The following NUBPL variants were observed in gnomAD, a reference collection of about 807,000 sequenced individuals.
NUBPL encodes the protein iron-sulfur cluster transfer protein NUBPL.
NUBPL carries 31 observed loss-of-function variants against 45.7 expected under a neutral mutation model. The ratio of observed to expected loss-of-function variants is 0.68; its 90% confidence interval spans 0.51 to 0.92. The LOEUF (loss-of-function observed/expected upper bound fraction) is 0.92. Among genes scored for constraint, NUBPL ranks in the 40% least tolerant of loss-of-function variants. The pLI is 0.00. For synonymous variants in NUBPL, 144 were observed against 140.9 expected (o/e 1.02, Z -0.15); for missense variants, 401 against 398.7 (o/e 1.01, Z -0.05).
chr14:31,760,861 T>C (rs1404899234), intron 6 of NUBPL, among the ~76,000 whole-genome samples: 1 of 148,238 alleles, frequency 6.7e-6, no homozygotes, highest in Non-Finnish European at 1.5e-5. Flanking sequence ...TATTTAGAGC[T>C]AGGGTCTTAC....
intron 6 of NUBPL, among the ~76,000 whole-genome samples, chr14:31,679,107 G>T (rs990968909): frequency 1.3e-5 from 2 of 152,198 alleles, no homozygotes; most frequent in African/African-American, 4.8e-5. Context: ...CACAGTTGCT[G>T]CATTCTCCCT....
chr14:31,691,871 T>C (rs1328817051), intron 6 of NUBPL, among the ~76,000 whole-genome samples: 1 of 152,196 alleles, frequency 6.6e-6, no homozygotes, highest in African/African-American at 2.4e-5. Context: ...ACATGAAGTC[T>C]CTTGGTTTCA....
At chr14:31,612,438 C>T (rs1365554936) in intron 4 of NUBPL, among the ~76,000 whole-genome samples, 6 of 152,204 alleles carry the variant, frequency 3.9e-5, no homozygotes, top group South Asian at 4.1e-4. Context: ...CCAAGGCGGG[C>T]GGATCATGAG....
chr14:31,566,316 T>G (rs1337309910), intron 3 of NUBPL, among the ~76,000 whole-genome samples: 1 of 152,162 alleles, frequency 6.6e-6, no homozygotes, highest in East Asian at 1.9e-4. Context: ...AGATTTATAA[T>G]ATTTTGGTTA....
intron 6 of NUBPL, among the ~76,000 whole-genome samples, chr14:31,686,047 G>T (rs1461440055): frequency 6.6e-6 from 1 of 151,848 alleles, no homozygotes; most frequent in Non-Finnish European, 1.5e-5. Flanking sequence ...TGCTTTCAGA[G>T]GAATTAAAAA....
At position 31,562,070 on chromosome 14, in the gene NUBPL, G is replaced by T. The variant is rs761351066; in HGVS notation, c.111G>T (p.Leu37Phe). 1.4e-5 allele frequency: 22 copies of T among 1,587,650 alleles called. No homozygotes were observed. The highest frequency in any genetic ancestry group is 1.8e-5 in the Admixed American group (1 of 56,486). Reference sequence around the variant, plus strand: ...TTTATTATTATTATTTTTTAAAGTTGTCTGGCGCCGGGAGTGAGACCCTAA... The same window carrying T: ...TTTATTATTATTATTTTTTAAAGTTTTCTGGCGCCGGGAGTGAGACCCTAA... ...GSRAMVCGRQ[L>F]SGAGSETLKQ... The change falls in exon 2 of 11, where the codon TTG becomes TTT. Residue 37 changes from leucine to phenylalanine, a missense_variant and splice_region_variant. Coordinates refer to ENST00000281081, the MANE Select transcript of NUBPL (RefSeq NM_025152.3).
At chr14:31,763,226 C>G (rs2038849836) in intron 6 of NUBPL, among the ~76,000 whole-genome samples, 1 of 152,074 alleles carries the variant, frequency 6.6e-6, no homozygotes, top group Non-Finnish European at 1.5e-5. Context: ...TGTGGAAGGT[C>G]TCTTTTGATT....
intron 6 of NUBPL, among the ~76,000 whole-genome samples, chr14:31,676,298 C>G (rs536398855): frequency 6.6e-6 from 1 of 152,136 alleles, no homozygotes; most frequent in Non-Finnish European, 1.5e-5. Context: ...GCTGGGATTA[C>G]AGGCGTGAGC....
chr14:31,642,428 A>G (rs114955997), intron 4 of NUBPL, among the ~76,000 whole-genome samples: 2,241 of 152,206 alleles, frequency 0.015, 47 homozygotes, highest in African/African-American at 0.051. Flanking sequence ...AGCGCTGTTT[A>G]TTGAGGAGAC....
At chr14:31,605,997 T>G (rs2034585553) in intron 4 of NUBPL, among the ~76,000 whole-genome samples, 1 of 143,504 alleles carries the variant, frequency 7.0e-6, no homozygotes, top group South Asian at 2.3e-4. Context: ...CGTCCTCCCT[T>G]CTCCTTCTTC....
intron 6 of NUBPL, among the ~76,000 whole-genome samples, chr14:31,763,071 G>A (rs954109281): frequency 1.3e-5 from 2 of 152,168 alleles, no homozygotes; most frequent in Non-Finnish European, 1.5e-5. Context: ...TGTGAGAAAT[G>A]TATATGCCTC....
chr14:31,623,179 TGTA>T (rs2035112679), intron 4 of NUBPL, among the ~76,000 whole-genome samples: 1 of 152,258 alleles, frequency 6.6e-6, no homozygotes, highest in South Asian at 2.1e-4. Flanking sequence ...GCATGGGGCC[TGTA>T]GCCCCTTTGT....
chr14:31,673,639 T>C, intron 6 of NUBPL, 65 bp downstream of exon 6: 1 of 1,389,898 alleles, frequency 7.2e-7, no homozygotes, highest in Non-Finnish European at 1.0e-6. Flanking sequence ...ATTTGCTGAT[T>C]GGAGAATTGT....
At chr14:31,717,101 C>G (rs2139939728) in intron 6 of NUBPL, among the ~76,000 whole-genome samples, 1 of 152,182 alleles carries the variant, frequency 6.6e-6, no homozygotes, top group South Asian at 2.1e-4. Context: ...GTTTTTTGGA[C>G]AAAAGTTCAA....
At chr14:31,610,385 A>G (rs1234004710) in intron 4 of NUBPL, among the ~76,000 whole-genome samples, 1 of 151,900 alleles carries the variant, frequency 6.6e-6, no homozygotes, top group Non-Finnish European at 1.5e-5. Context: ...CCTAAACTTA[A>G]ACAGACCAAC....
intron 7 of NUBPL, among the ~76,000 whole-genome samples, chr14:31,810,037 C>G (rs563132789): frequency 1.3e-5 from 2 of 152,044 alleles, no homozygotes; most frequent in African/African-American, 4.8e-5. Context: ...TTACTTCCAA[C>G]TATGTGGTCA....
intron 6 of NUBPL, among the ~76,000 whole-genome samples, chr14:31,683,352 C>CTTTTTTTTT (rs34890900): frequency 2.2e-4 from 20 of 91,026 alleles, no homozygotes; most frequent in African/African-American, 4.2e-4. Context: ...ATAAAACAAT[C>CTTTTTTTTT]TTTTTTTTTT....
intron 3 of NUBPL, among the ~76,000 whole-genome samples, chr14:31,597,119 T>G (rs1423122177): frequency 6.6e-6 from 1 of 152,182 alleles, no homozygotes; most frequent in Non-Finnish European, 1.5e-5. Context: ...TCTCTTTTCC[T>G]CCTGATCTTT....
chr14:31,624,069 G>T (rs2035141456), intron 4 of NUBPL, among the ~76,000 whole-genome samples: 2 of 152,196 alleles, frequency 1.3e-5, no homozygotes, highest in Non-Finnish European at 2.9e-5. Flanking sequence ...GTAGGGGCCA[G>T]TTGGGATGTT....
Sources: gnomAD v4.1 joint callset for allele counts (sites outside exome capture counted in the v4.1 genomes callset) on GRCh38, gnomAD v4.1.1 for gene constraint, MANE v1.5 for transcripts, NCBI Gene and HGNC (gene_info 2026-07-23, HGNC 2026-07-21) for gene names.